Variants in TTC17 observed in about 807,000 individuals in gnomAD.
TTC17 encodes the protein tetratricopeptide repeat protein 17.
A neutral mutation model predicts 143.8 loss-of-function variants in TTC17; 58 were observed. That is an observed-to-expected ratio of 0.40 (90% CI 0.33 to 0.50). The LOEUF (loss-of-function observed/expected upper bound fraction) is 0.50. Ranked by LOEUF, TTC17 falls within the 20% of genes least tolerant of loss-of-function variation. The probability of loss-of-function intolerance (pLI) is 0.49; values close to 1 mark genes in which losing one functional copy is unlikely to be tolerated. For missense variants in TTC17, 1,273 were observed against 1,392.5 expected (o/e 0.91, Z 1.37); for synonymous variants, 501 against 497.8 (o/e 1.01, Z -0.09).
intron 5 of TTC17, among the ~76,000 whole-genome samples, chr11:43,394,988 T>G (rs998720242): frequency 1.3e-5 from 2 of 151,832 alleles, no homozygotes; most frequent in Non-Finnish European, 2.9e-5. Flanking sequence ...TGGGGGAGAT[T>G]TTATGAGAAC....
chr11:43,427,293 C>T (rs967865506), intron 16 of TTC17, among the ~76,000 whole-genome samples: 17 of 152,262 alleles, frequency 1.1e-4, no homozygotes, highest in Admixed American at 5.2e-4. Flanking sequence ...AAGCCCCCTC[C>T]GACTGTTTGT....
chr11:43,482,888 A>C (rs1948313685), intron 21 of TTC17, among the ~76,000 whole-genome samples: 1 of 152,162 alleles, frequency 6.6e-6, no homozygotes, highest in East Asian at 1.9e-4. Flanking sequence ...GAAAACAAAG[A>C]TATAATAGAG....
intron 16 of TTC17, among the ~76,000 whole-genome samples, chr11:43,426,617 A>G (rs144183953): frequency 2.7e-4 from 41 of 152,312 alleles, no homozygotes; most frequent in African/African-American, 9.9e-4. Context: ...TGAATATCAT[A>G]CTTGCTACCT....
intron 21 of TTC17, chr11:43,466,479 CCAAAGA>C (rs1470456283): frequency 5.9e-6 from 1 of 170,786 alleles, no homozygotes; most frequent in Non-Finnish European, 1.3e-5. Context: ...AGACAAATTT[CCAAAGA>C]CAGGAGAAAA....
intron 8 of TTC17, among the ~76,000 whole-genome samples, chr11:43,399,095 T>G (rs1590356230): frequency 1.3e-5 from 2 of 152,340 alleles, no homozygotes; most frequent in South Asian, 4.1e-4. Flanking sequence ...TGAAGCATAT[T>G]CCTTTCGAAG....
chr11:43,441,981 C>T (rs1469391282), intron 16 of TTC17, among the ~76,000 whole-genome samples: 1 of 152,078 alleles, frequency 6.6e-6, no homozygotes, highest in East Asian at 1.9e-4. Context: ...GGTGATTTTG[C>T]CGTCGTGGGA....
At chr11:43,463,160 C>T (rs541614245) in intron 21 of TTC17, among the ~76,000 whole-genome samples, 7 of 152,096 alleles carry the variant, frequency 4.6e-5, no homozygotes, top group South Asian at 2.1e-4. Flanking sequence ...ATGATCCACC[C>T]GCCTCAGCCT....
chr11:43,493,684 C>A, intron 23 of TTC17, 89 bp from the exon 24 acceptor site: 1 of 1,587,256 alleles, frequency 6.3e-7, no homozygotes, highest in Non-Finnish European at 8.6e-7. Context: ...GTCCCTAGTA[C>A]AGAGGTGCTT....
At chr11:43,381,409 A>G (rs1441630512) in intron 2 of TTC17, among the ~76,000 whole-genome samples, 2 of 152,200 alleles carry the variant, frequency 1.3e-5, no homozygotes, top group Non-Finnish European at 2.9e-5. Flanking sequence ...AGTGTCTGAT[A>G]TGCAGCACTG....
At chr11:43,446,134 TC>T in intron 18 of TTC17, 1 of 1,374,086 alleles carries the variant, frequency 7.3e-7, no homozygotes, top group Non-Finnish European at 9.4e-7. Flanking sequence ...TGTGTACCCT[TC>T]AACACCATTC....
chr11:43,395,924 T>G (rs1857572282), intron 5 of TTC17, among the ~76,000 whole-genome samples: 2 of 152,170 alleles, frequency 1.3e-5, no homozygotes, highest in South Asian at 4.1e-4. Flanking sequence ...ATAGGATACA[T>G]TTTTAATAGT....
intron 8 of TTC17, among the ~76,000 whole-genome samples, chr11:43,398,947 G>T (rs1040813265): frequency 6.6e-5 from 10 of 152,158 alleles, no homozygotes; most frequent in Non-Finnish European, 1.5e-4. Context: ...CCAGTATCAT[G>T]CTCTTAATAA....
Position 43,358,978 on chromosome 11 carries a change from T to A in TTC17, c.24T>A (p.Arg8=), listed in dbSNP as rs776900642. 5.6e-5 allele frequency: 89 copies of A among 1,580,176 alleles called. No individual in the cohort carries two copies. The highest frequency in any genetic ancestry group is 6.9e-6 in the Non-Finnish European group (8 of 1,164,006). MAAAVGV[R]GRYELPPCSG... ...AGATGGCGGCGGCAGTAGGGGTTCG[T>A]GGCCGGTACGAGCTGCCGCCTTGCT... Residue 8 remains arginine, a synonymous_variant, in exon 1 of 24, where the codon CGT becomes CGA. Transcript: ENST00000039989.
At chr11:43,368,562 A>C (rs1229602511) in intron 1 of TTC17, among the ~76,000 whole-genome samples, 1 of 152,148 alleles carries the variant, frequency 6.6e-6, no homozygotes, top group Non-Finnish European at 1.5e-5. Flanking sequence ...CATTTCTGTA[A>C]TTCCAGTCAA....
intron 1 of TTC17, among the ~76,000 whole-genome samples, chr11:43,371,843 G>T: frequency 6.6e-6 from 1 of 152,158 alleles, no homozygotes; most frequent in African/African-American, 2.4e-5. Context: ...AGGTGGGTGG[G>T]GTGGAAGACC....
At chr11:43,393,991 CAG>C (rs774989833) in intron 5 of TTC17, among the ~76,000 whole-genome samples, 1 of 152,192 alleles carries the variant, frequency 6.6e-6, no homozygotes, top group East Asian at 1.9e-4. Flanking sequence ...TGCTTGAAGA[CAG>C]AGAGAGATCT....
intron 2 of TTC17, among the ~76,000 whole-genome samples, chr11:43,386,769 G>A (rs565948405): frequency 7.3e-5 from 11 of 150,656 alleles, no homozygotes; most frequent in Admixed American, 2.7e-4. Context: ...AATTTCTTAC[G>A]TATGTATGTA....
chr11:43,419,553 G>T (rs1356173358), intron 16 of TTC17, among the ~76,000 whole-genome samples: 2 of 152,178 alleles, frequency 1.3e-5, no homozygotes, highest in Non-Finnish European at 2.9e-5. Flanking sequence ...CTGCCCTCCA[G>T]TGGATTATCC....
intron 21 of TTC17, among the ~76,000 whole-genome samples, chr11:43,481,531 T>C (rs1948286799): frequency 6.6e-6 from 1 of 152,202 alleles, no homozygotes; most frequent in African/African-American, 2.4e-5. Flanking sequence ...TGGGAGGTTT[T>C]TAATTATAGC....
Sources: gnomAD v4.1 joint callset for allele counts (sites outside exome capture counted in the v4.1 genomes callset) on GRCh38, gnomAD v4.1.1 for gene constraint, MANE v1.5 for transcripts, NCBI Gene and HGNC (gene_info 2026-07-23, HGNC 2026-07-21) for gene names.